The following RPGRIP1L variants were observed in gnomAD, a reference collection of about 807,000 sequenced individuals.
The protein encoded by RPGRIP1L is protein fantom.
RPGRIP1L carries 131 observed loss-of-function variants against 160.4 expected under a neutral mutation model. The ratio of observed to expected loss-of-function variants is 0.82; its 90% confidence interval spans 0.71 to 0.94. The LOEUF (loss-of-function observed/expected upper bound fraction) is 0.94, where lower values mean the gene tolerates loss of function less well. RPGRIP1L is among the 40% of genes least tolerant of loss of function. The probability of loss-of-function intolerance (pLI) is 0.00; values close to 1 mark genes in which losing one functional copy is unlikely to be tolerated. For synonymous variants in RPGRIP1L, 510 were observed against 515.8 expected, an observed-to-expected ratio of 0.99 and a Z score of 0.15; for missense variants, 1,522 against 1,535.8, an observed-to-expected ratio of 0.99 and a Z score of 0.15.
At chr16:53,657,681 T>A (rs1338391247) in intron 12 of RPGRIP1L, 49 bp from the exon 13 acceptor site, 7 of 1,066,874 alleles carry the variant, frequency 6.6e-6, no homozygotes, top group African/African-American at 6.3e-5. Context: ...TTCTAAGATG[T>A]GATTTTATGA....
chr16:53,657,329 T>C (rs908543450), intron 13 of RPGRIP1L, 124 bp downstream of exon 13: 5 of 653,506 alleles, frequency 7.7e-6, no homozygotes, highest in African/African-American at 7.3e-5. Context: ...ATTCCAGAGA[T>C]GTGATATGTT....
intron 24 of RPGRIP1L, among the ~76,000 whole-genome samples, chr16:53,616,414 T>C (rs1037288913): frequency 6.6e-6 from 1 of 152,214 alleles, no homozygotes; most frequent in African/African-American, 2.4e-5. Flanking sequence ...AAATGAAGCA[T>C]TCAACCAGGT....
chr16:53,663,393 G>A (rs1967975836), intron 10 of RPGRIP1L, among the ~76,000 whole-genome samples: 1 of 151,996 alleles, frequency 6.6e-6, no homozygotes, highest in Non-Finnish European at 1.5e-5. Flanking sequence ...AAAGATAACA[G>A]CTTTAGGATT....
At chr16:53,685,769 T>C (rs1017611879) in intron 6 of RPGRIP1L, among the ~76,000 whole-genome samples, 8 of 152,198 alleles carry the variant, frequency 5.3e-5, no homozygotes, top group African/African-American at 1.9e-4. Context: ...CTGGGTTTAA[T>C]ATCTGGGTGA....
chr16:53,684,512 A>C (rs995116679), intron 6 of RPGRIP1L, among the ~76,000 whole-genome samples: 1 of 150,432 alleles, frequency 6.6e-6, no homozygotes, highest in South Asian at 2.1e-4. Flanking sequence ...CAAACACCGC[A>C]TGTTCTCACT....
intron 1 of RPGRIP1L, among the ~76,000 whole-genome samples, chr16:53,701,237 T>G (rs372858245): frequency 6.6e-6 from 1 of 152,180 alleles, no homozygotes; most frequent in South Asian, 2.1e-4. Context: ...GATGTCAATA[T>G]TACTCAAATA....
At chr16:53,658,519 A>G in intron 11 of RPGRIP1L, 55 bp from the exon 12 acceptor site, 1 of 1,333,790 alleles carries the variant, frequency 7.5e-7, no homozygotes, top group Admixed American at 1.7e-5. Flanking sequence ...AATACAAGAG[A>G]CATTCCAAGT....
intron 17 of RPGRIP1L, among the ~76,000 whole-genome samples, chr16:53,642,709 G>T (rs1002864515): frequency 6.6e-6 from 1 of 152,166 alleles, no homozygotes; most frequent in Admixed American, 6.6e-5. Flanking sequence ...GAATCTGTGG[G>T]ACTGCTCTCA....
chr16:53,618,653 C>T (rs1229823555), intron 24 of RPGRIP1L, among the ~76,000 whole-genome samples: 3 of 152,218 alleles, frequency 2.0e-5, no homozygotes, highest in Non-Finnish European at 4.4e-5. Flanking sequence ...AAGCAATCCT[C>T]CTGCCTCAGC....
intron 1 of RPGRIP1L, chr16:53,703,159 C>T (rs1214178070): frequency 2.6e-5 from 4 of 152,246 alleles, no homozygotes; most frequent in Non-Finnish European, 5.9e-5. Flanking sequence ...ATCCCAGCTA[C>T]TCGGGAGGCT....
At chr16:53,623,784 C>T (rs1964894206) in intron 22 of RPGRIP1L, among the ~76,000 whole-genome samples, 1 of 152,226 alleles carries the variant, frequency 6.6e-6, no homozygotes, top group South Asian at 2.1e-4. Context: ...TTCAGGAGGG[C>T]AGGACCAATA....
intron 25 of RPGRIP1L, among the ~76,000 whole-genome samples, chr16:53,610,225 GT>G (rs944343675): frequency 6.0e-5 from 9 of 151,238 alleles, no homozygotes; most frequent in East Asian, 3.9e-4. Flanking sequence ...TTTAAGATCA[GT>G]TTTTTTTTCT....
intron 22 of RPGRIP1L, among the ~76,000 whole-genome samples, chr16:53,628,978 G>A (rs8054063): frequency 0.23 from 33,987 of 150,338 alleles, 5,419 homozygotes; most frequent in East Asian, 0.45. Context: ...CATCACCATA[G>A]AAATGGTGTG....
rs553739434 is a variant in RPGRIP1L, at chr16:53,652,987, G to A, written c.1700C>T (p.Ala567Val). 3.8e-5 allele frequency: 61 copies of A among 1,609,838 alleles called. No individual in the cohort carries two copies. In the South Asian group the frequency reaches 5.4e-4, roughly 14 times the overall value. Residue 567 changes from alanine to valine, a missense_variant and splice_region_variant, in exon 15 of 27, where the codon GCC (alanine) becomes GTC (valine). Coordinates refer to ENST00000647211, the MANE Select transcript of RPGRIP1L (RefSeq NM_015272.5). ...GCCATAGGCAATATCCTTTAATTGGGCTGCAAGAGAAGACACACAGTTTAG... is the reference window on the plus strand; with the variant it reads ...GCCATAGGCAATATCCTTTAATTGGACTGCAAGAGAAGACACACAGTTTAG... ...IRAARIHKLE[A>V]QLKDIAYGTK...
chr16:53,654,955 T>C (rs899815657), intron 14 of RPGRIP1L, among the ~76,000 whole-genome samples: 1 of 152,214 alleles, frequency 6.6e-6, no homozygotes, highest in African/African-American at 2.4e-5. Context: ...TCAGAGTTTC[T>C]GAAAGTGTGG....
chr16:53,700,921 C>T (rs183443370), intron 1 of RPGRIP1L, among the ~76,000 whole-genome samples, 191 bp from the exon 2 acceptor site: 1 of 152,276 alleles, frequency 6.6e-6, no homozygotes, highest in East Asian at 1.9e-4. Flanking sequence ...AGACAGTGTT[C>T]CTTTCAACAG....
chr16:53,652,927 G>A lies in RPGRIP1L; in HGVS notation c.1760C>T (p.Pro587Leu). ...ATCAAATTCATCAACAGAGTCATCT[G>A]GCATGATTTCTGGTTTAAATTTGTA... is the stretch of plus-strand genomic sequence containing the variant. ...KQYKFKPEIM[P>L]DDSVDEFDET... The change falls in exon 15 of 27, where the codon CCA (proline) becomes CTA (leucine). Residue 587 changes from proline to leucine, a missense_variant. Coordinates refer to ENST00000647211, the MANE Select transcript of RPGRIP1L (RefSeq NM_015272.5). 1 of 1,613,524 alleles carries A rather than the reference G, an allele frequency of 6.2e-7. No individual in the cohort carries two copies. The highest frequency in any genetic ancestry group is 1.7e-5 in the Admixed American group (1 of 59,926).
chr16:53,604,303 A>G (rs934567607), intron 26 of RPGRIP1L, among the ~76,000 whole-genome samples: 2 of 152,262 alleles, frequency 1.3e-5, no homozygotes, highest in Non-Finnish European at 2.9e-5. Flanking sequence ...ACAATGAACC[A>G]GGGCTGAACT....
At chr16:53,635,860 T>A (rs1965804384) in intron 22 of RPGRIP1L, among the ~76,000 whole-genome samples, 1 of 152,158 alleles carries the variant, frequency 6.6e-6, no homozygotes, top group Non-Finnish European at 1.5e-5. Flanking sequence ...ATACTTCCCA[T>A]ATATATTTTA....
Sources: gnomAD v4.1 joint callset for allele counts (sites outside exome capture counted in the v4.1 genomes callset) on GRCh38, gnomAD v4.1.1 for gene constraint, MANE v1.5 for transcripts, NCBI Gene and HGNC (gene_info 2026-07-23, HGNC 2026-07-21) for gene names.